The following RXFP1 variants were observed in gnomAD, a reference collection of about 807,000 sequenced individuals.
RXFP1 encodes the protein relaxin receptor 1.
A neutral mutation model predicts 89.8 loss-of-function variants in RXFP1; 73 were observed. The observed-to-expected ratio is 0.81, with a 90% confidence interval of 0.67 to 0.99. The LOEUF (loss-of-function observed/expected upper bound fraction) is 0.99, where lower values mean the gene tolerates loss of function less well. RXFP1 is among the 50% of genes least tolerant of loss of function. The pLI is 0.00. For missense variants in RXFP1, 793 were observed against 895.5 expected, an observed-to-expected ratio of 0.89 and a Z score of 1.46; for synonymous variants, 277 against 305.5, an observed-to-expected ratio of 0.91 and a Z score of 0.97.
At chr4:158,543,651 A>T in intron 1 of RXFP1, 3 of 532,732 alleles carry the variant, frequency 5.6e-6, no homozygotes, top group Non-Finnish European at 7.2e-6. Flanking sequence ...ATATTTATTT[A>T]TTCCCCACTT....
chr4:158,603,893 A>AATAATC (rs2150106354), intron 4 of RXFP1, among the ~76,000 whole-genome samples: 1 of 76,408 alleles, frequency 1.3e-5, no homozygotes, highest in South Asian at 3.2e-4. Context: ...CCATCTCAAT[A>AATAATC]ATAATAATAA....
At chr4:158,596,449 G>A (rs568143725) in intron 3 of RXFP1, among the ~76,000 whole-genome samples, 10 of 151,956 alleles carry the variant, frequency 6.6e-5, no homozygotes, top group East Asian at 1.9e-4. Context: ...TAGTAGAAAC[G>A]AGATTTCTCC....
chr4:158,588,959 C>T lies in RXFP1; in HGVS notation c.188-4442C>T, dbSNP rs1025907893. Among the ~76,000 whole-genome samples the T allele has an allele frequency of 7.9e-5, 12 of 152,138 alleles. No homozygotes were observed. The East Asian group carries it at 1.2e-3, about 15-fold the overall frequency. Reference sequence around the variant, plus strand: ...ACTCCAGGAGGTCACTGTATTAGTCCGCTCTCACGCTGCTATGAAGAAATA... The same window carrying T: ...ACTCCAGGAGGTCACTGTATTAGTCTGCTCTCACGCTGCTATGAAGAAATA... On this transcript the variant is annotated intron_variant, in intron 2 of 17. Coordinates refer to ENST00000307765, the MANE Select transcript of RXFP1 (RefSeq NM_021634.4).
Position 158,652,068 on chromosome 4 carries a change from T to C in RXFP1, c.*13T>C. 6.3e-7 allele frequency: 1 copy of C among 1,593,438 alleles called. No homozygotes were observed. Among genetic ancestry groups the C allele is most frequent in the Non-Finnish European group, 8.6e-7 (1 of 1,167,542 alleles). On this transcript the variant is annotated 3_prime_UTR_variant, in exon 18 of 18. Coordinates refer to ENST00000307765, the MANE Select transcript of RXFP1 (RefSeq NM_021634.4). ...TTCCTATTCATGACTGACTCTGAAA[T>C]TCATTTCTTCGCAGAGAATACTGTG...
intron 5 of RXFP1, chr4:158,607,192 T>G: frequency 4.2e-6 from 5 of 1,202,380 alleles, no homozygotes; most frequent in Non-Finnish European, 5.9e-6. Context: ...GCGTATACTC[T>G]GGTACCCATT....
At chr4:158,549,574 T>G (rs1158377572) in intron 1 of RXFP1, among the ~76,000 whole-genome samples, 1 of 152,178 alleles carries the variant, frequency 6.6e-6, no homozygotes, top group Non-Finnish European at 1.5e-5. Flanking sequence ...TTCCCCATCT[T>G]TGTGGTTTTA....
Position 158,633,411 on chromosome 4 carries a change from A to G in RXFP1, c.906A>G (p.Leu302=), listed in dbSNP as rs367823818. The G allele has an allele frequency of 2.7e-5, 43 of 1,577,440 alleles. No individual in the cohort carries two copies. In the African/African-American group the frequency reaches 5.3e-4, roughly 19 times the overall value. Residue 302 remains leucine, a synonymous_variant, in exon 12 of 18, where the codon TTA becomes TTG. Coordinates refer to ENST00000307765, the MANE Select transcript of RXFP1 (RefSeq NM_021634.4). ...TTTGCAATTATTTCTCCAGGGATTTAGGAAGTAATAAGATTGAAAATCTTC... is the reference window on the plus strand; with the variant it reads ...TTTGCAATTATTTCTCCAGGGATTTGGGAAGTAATAAGATTGAAAATCTTC... The part of the protein sequence containing the change: ...APLQKLDELD[L]GSNKIENLPP...
At chr4:158,609,277 C>G (rs1413336207) in intron 6 of RXFP1, among the ~76,000 whole-genome samples, 1 of 152,218 alleles carries the variant, frequency 6.6e-6, no homozygotes, top group African/African-American at 2.4e-5. Flanking sequence ...TACCATTTTA[C>G]TTTCCAACTA....
intron 14 of RXFP1, 66 bp downstream of exon 14, chr4:158,639,397 T>C: frequency 1.1e-6 from 1 of 888,306 alleles, no homozygotes; most frequent in Non-Finnish European, 1.9e-6. Flanking sequence ...ATTATGATAA[T>C]GCATCCAATC....
At chr4:158,523,528 T>G (rs1741697767) in intron 1 of RXFP1, among the ~76,000 whole-genome samples, 1 of 152,184 alleles carries the variant, frequency 6.6e-6, no homozygotes, top group Non-Finnish European at 1.5e-5. Context: ...GCCAAAACCC[T>G]CTGTCTCTTT....
intron 9 of RXFP1, among the ~76,000 whole-genome samples, chr4:158,622,223 G>C (rs965217744): frequency 2.6e-5 from 4 of 151,936 alleles, no homozygotes; most frequent in Non-Finnish European, 5.9e-5. Context: ...AGGCAGGAGA[G>C]TCACTTGAAC....
chr4:158,551,765 C>A (rs188915707), intron 1 of RXFP1, among the ~76,000 whole-genome samples: 2 of 152,160 alleles, frequency 1.3e-5, no homozygotes, highest in East Asian at 3.9e-4. Context: ...CATAGTGAAA[C>A]CCTGTCTCTA....
chr4:158,551,737 C>T (rs982028729), intron 1 of RXFP1, among the ~76,000 whole-genome samples: 2 of 152,082 alleles, frequency 1.3e-5, no homozygotes, highest in African/African-American at 2.4e-5. Context: ...CCCAGGAATT[C>T]GAGACCAGCC....
chr4:158,525,575 A>G (rs1448496518), intron 1 of RXFP1, among the ~76,000 whole-genome samples: 1 of 152,220 alleles, frequency 6.6e-6, no homozygotes, highest in Non-Finnish European at 1.5e-5. Flanking sequence ...CCTGGAGTTG[A>G]GTATTCTAGT....
At chr4:158,589,885 C>T (rs1176242582) in intron 2 of RXFP1, among the ~76,000 whole-genome samples, 1 of 151,876 alleles carries the variant, frequency 6.6e-6, no homozygotes, top group East Asian at 1.9e-4. Flanking sequence ...AGACCCCCAT[C>T]TCTACAAAAA....
Position 158,647,057 on chromosome 4 carries a change from A to T in RXFP1, c.1612A>T (p.Thr538Ser), listed in dbSNP as rs1165559353. The T allele has an allele frequency of 1.2e-6, 2 of 1,614,170 alleles. No homozygotes were observed. Among genetic ancestry groups the T allele is most frequent in the Non-Finnish European group, 1.7e-6 (2 of 1,180,022 alleles). ...TACAGTTCTGATTCTCATTTGGATT[A>T]CTGGTTTTATAGTGGCTTTCATTCC... ...TITVLILIWI[T>S]GFIVAFIPLS... The change falls in exon 16 of 18, where the codon ACT becomes TCT. Residue 538 changes from threonine to serine, a missense_variant. Coordinates refer to ENST00000307765, the MANE Select transcript of RXFP1 (RefSeq NM_021634.4).
At chr4:158,604,165 T>G (rs1762179092) in intron 4 of RXFP1, among the ~76,000 whole-genome samples, 1 of 152,062 alleles carries the variant, frequency 6.6e-6, no homozygotes, top group African/African-American at 2.4e-5. Flanking sequence ...TAAACATTGT[T>G]AGTGCTTATT....
At chr4:158,620,539 G>A (rs532194323) in intron 9 of RXFP1, among the ~76,000 whole-genome samples, 16 of 152,054 alleles carry the variant, frequency 1.1e-4, no homozygotes, top group Non-Finnish European at 1.5e-5. Context: ...ATAAAGAAAA[G>A]TATCTTAAGG....
chr4:158,649,628 A>G (rs775651536), intron 17 of RXFP1, among the ~76,000 whole-genome samples: 171 of 152,238 alleles, frequency 1.1e-3, no homozygotes, highest in South Asian at 2.1e-3. Context: ...TAAAAATAAA[A>G]AATAAAAAAT....
Sources: gnomAD v4.1 joint callset for allele counts (sites outside exome capture counted in the v4.1 genomes callset) on GRCh38, gnomAD v4.1.1 for gene constraint, MANE v1.5 for transcripts, NCBI Gene and HGNC (gene_info 2026-07-23, HGNC 2026-07-21) for gene names.